The following NTNG1 variants were observed in gnomAD, a reference collection of about 807,000 sequenced individuals.
NTNG1 encodes the protein netrin G1, also known as netrin-G1.
In NTNG1, 16 loss-of-function variants were observed where a neutral mutation model predicts 54.0. That is an observed-to-expected ratio of 0.30 (90% CI 0.20 to 0.45). The LOEUF (loss-of-function observed/expected upper bound fraction) is 0.45, where lower values mean the gene tolerates loss of function less well. Among genes scored for constraint, NTNG1 ranks in the 20% least tolerant of loss-of-function variants. The pLI, the probability that NTNG1 is intolerant of heterozygous loss-of-function variation, is 1.00. For missense variants in NTNG1, 530 were observed against 678.7 expected (o/e 0.78, Z 2.43); for synonymous variants, 255 against 263.1 (o/e 0.97, Z 0.30).
chr1:107,474,500 C>G (rs909186591), intron 7 of NTNG1, among the ~76,000 whole-genome samples: 1 of 152,180 alleles, frequency 6.6e-6, no homozygotes, highest in African/African-American at 2.4e-5. Context: ...TGTTGAGAAG[C>G]ATTTGAAGTT....
intron 1 of NTNG1, among the ~76,000 whole-genome samples, chr1:107,144,770 A>G (rs750461277): frequency 2.6e-5 from 4 of 152,012 alleles, no homozygotes; most frequent in Non-Finnish European, 5.9e-5. Flanking sequence ...TTTACCTTTT[A>G]TTATTGGTTC....
At chr1:107,282,134 A>G (rs1664903477) in intron 2 of NTNG1, among the ~76,000 whole-genome samples, 1 of 152,180 alleles carries the variant, frequency 6.6e-6, no homozygotes, top group African/African-American at 2.4e-5. Context: ...GGGAAGTTTC[A>G]ATCATTTCTC....
chr1:107,328,414 T>C, intron 3 of NTNG1, among the ~76,000 whole-genome samples: 1 of 152,106 alleles, frequency 6.6e-6, no homozygotes, highest in East Asian at 1.9e-4. Context: ...TGTATTAAAT[T>C]ATGGTACTTA....
intron 2 of NTNG1, among the ~76,000 whole-genome samples, chr1:107,270,466 G>A (rs113099719): frequency 0.04 from 6,152 of 152,214 alleles, 158 homozygotes; most frequent in Middle Eastern, 0.068. Flanking sequence ...GTTTTCTCAT[G>A]TTTGAAATGG....
rs34722470 is a variant in NTNG1, at chr1:107,484,047, C to T, written c.*3207C>T. Among the ~76,000 whole-genome samples the T allele has an allele frequency of 9.9e-4, 151 of 152,324 alleles. No homozygotes were observed. The highest frequency in any genetic ancestry group is 1.6e-3 in the Non-Finnish European group (108 of 68,030). On this transcript the variant is annotated 3_prime_UTR_variant, in exon 8 of 8. Transcript: ENST00000370068. ...CCTACTCAGATAACCGCCCCCCACACGCACACTTTTAGGCCAAATGTAGGC... is the reference window on the plus strand; with the variant it reads ...CCTACTCAGATAACCGCCCCCCACATGCACACTTTTAGGCCAAATGTAGGC...
Position 107,143,577 on chromosome 1 carries a change from T to C in NTNG1, c.-526+2437T>C, listed in dbSNP as rs78473476. ...CCAATTATATGTTAACATTGAAATA[T>C]ATGTGTGTGAATTATATTGTATAGG... On this transcript the variant is annotated intron_variant, in intron 1 of 7. Transcript: ENST00000370068. Among the ~76,000 whole-genome samples, 309 of 152,238 alleles carry C rather than the reference T, an allele frequency of 2.0e-3. 12 individuals are homozygous for C. The East Asian group carries it at 0.052, about 26-fold the overall frequency.
intron 2 of NTNG1, among the ~76,000 whole-genome samples, chr1:107,319,506 T>G (rs1473901496): frequency 6.6e-6 from 1 of 152,092 alleles, no homozygotes. Flanking sequence ...GGTATCTATC[T>G]CAGTCACAGC....
At chr1:107,215,725 T>A (rs1659908162) in intron 2 of NTNG1, among the ~76,000 whole-genome samples, 1 of 152,154 alleles carries the variant, frequency 6.6e-6, no homozygotes, top group Admixed American at 6.6e-5. Flanking sequence ...GGATTGCTTT[T>A]GGCAGTGTGG....
At chr1:107,437,427 G>T (rs1472927063) in intron 7 of NTNG1, among the ~76,000 whole-genome samples, 2 of 152,188 alleles carry the variant, frequency 1.3e-5, no homozygotes, top group African/African-American at 4.8e-5. Context: ...GCTTGTCAAG[G>T]CACGTGGCAT....
Position 107,484,664 on chromosome 1 carries a change from G to A in NTNG1, c.*3824G>A, listed in dbSNP as rs930050780. 1.3e-5 allele frequency among the ~76,000 whole-genome samples: 2 copies of A among 152,180 alleles called. No individual in the cohort carries two copies. Among genetic ancestry groups the A allele is most frequent in the Non-Finnish European group, 2.9e-5 (2 of 68,036 alleles). On this transcript the variant is annotated 3_prime_UTR_variant, in exon 8 of 8. Transcript: ENST00000370068. ...GTTAATGCTCCCCTCACCTTCTCTT[G>A]GACCTGTGGTCTGACTGGAGTATAA...
At chr1:107,452,505 G>T (rs1676688279) in intron 7 of NTNG1, among the ~76,000 whole-genome samples, 1 of 152,148 alleles carries the variant, frequency 6.6e-6, no homozygotes, top group Admixed American at 6.6e-5. Context: ...GTAGTATTGG[G>T]AAGTGGGGCC....
chr1:107,224,025 G>T (rs1428884563), intron 2 of NTNG1, among the ~76,000 whole-genome samples: 1 of 152,150 alleles, frequency 6.6e-6, no homozygotes, highest in African/African-American at 2.4e-5. Context: ...TTTAATTAGA[G>T]CACGAAGTCA....
chr1:107,263,329 C>CTTCT (rs1663494715), intron 2 of NTNG1, among the ~76,000 whole-genome samples: 1 of 133,456 alleles, frequency 7.5e-6, no homozygotes, highest in African/African-American at 2.8e-5. Context: ...TCCTTCTTTC[C>CTTCT]TTCCTTCCTT....
chr1:107,182,843 C>T (rs772857406), intron 2 of NTNG1, among the ~76,000 whole-genome samples: 7 of 152,132 alleles, frequency 4.6e-5, no homozygotes, highest in African/African-American at 7.2e-5. Flanking sequence ...TCCGCTGATT[C>T]GCTGTGATTC....
rs1678708601 is a variant in NTNG1, at chr1:107,481,451, T to C, written c.*611T>C. ...AGCGCAAGCCAGTCATACCCCTGTA[T>C]ATCTTAGCAGCACTGAGTCCAGTGC... On this transcript the variant is annotated 3_prime_UTR_variant, in exon 8 of 8. Transcript: ENST00000370068. 1 of 152,946 alleles carries C rather than the reference T, an allele frequency of 6.5e-6. No homozygotes were observed. The highest frequency in any genetic ancestry group is 2.4e-5 in the African/African-American group (1 of 41,472). The allele number at this position is 152,946 out of a possible 1,614,324, so 9.5% of individuals were successfully genotyped here.
chr1:107,272,717 C>T (rs1664223702), intron 2 of NTNG1, among the ~76,000 whole-genome samples: 1 of 152,110 alleles, frequency 6.6e-6, no homozygotes, highest in African/African-American at 2.4e-5. Context: ...GAAAAGTTGT[C>T]AAGGGGCAAT....
chr1:107,339,955 G>C (rs1467050241), intron 3 of NTNG1, among the ~76,000 whole-genome samples: 1 of 152,002 alleles, frequency 6.6e-6, no homozygotes, highest in Non-Finnish European at 1.5e-5. Flanking sequence ...GAAGCATCAT[G>C]GTTTGTGCAA....
At chr1:107,181,330 G>A (rs1487404782) in intron 2 of NTNG1, among the ~76,000 whole-genome samples, 1 of 152,110 alleles carries the variant, frequency 6.6e-6, no homozygotes, top group Non-Finnish European at 1.5e-5. Flanking sequence ...GCACACCCTT[G>A]GTTCACATCT....
At chr1:107,388,961 G>A (rs1049819610) in intron 3 of NTNG1, among the ~76,000 whole-genome samples, 4 of 102,672 alleles carry the variant, frequency 3.9e-5, no homozygotes, top group Admixed American at 3.1e-4. Context: ...CATTTGTATA[G>A]CTAGTGCCAA....
Sources: allele counts gnomAD v4.1 joint callset (sites outside exome capture counted in the v4.1 genomes callset), GRCh38; gene constraint gnomAD v4.1.1; transcripts MANE v1.5; gene names NCBI Gene and HGNC (gene_info 2026-07-23, HGNC 2026-07-21).